RHCG: variants seen among roughly 807,000 people sequenced by gnomAD.
The protein encoded by RHCG is Rh family C glycoprotein, also known as ammonium transporter Rh type C.
In RHCG, 39 loss-of-function variants were observed where a neutral mutation model predicts 55.3. The ratio of observed to expected loss-of-function variants is 0.70; its 90% CI spans 0.55 to 0.92. RHCG has a LOEUF of 0.92. Among genes scored for constraint, RHCG ranks in the 40% least tolerant of loss-of-function variants. The pLI is 0.00. For missense variants in RHCG, 635 were observed against 627.9 expected (o/e 1.01, Z -0.12); for synonymous variants, 250 against 246.8 (o/e 1.01, Z -0.12).
chr15:89,494,180 C>T (rs940053924), intron 1 of RHCG, among the ~76,000 whole-genome samples: 15 of 152,156 alleles, frequency 9.9e-5, no homozygotes, highest in African/African-American at 3.4e-4. Context: ...CTTGGCTGCT[C>T]GGCTTCTCCC....
rs1410538188 is a variant in RHCG at position 89,496,516 on chromosome 15, C to T, written c.29G>A (p.Arg10Gln). 6.2e-7 allele frequency: 1 copy of T among 1,613,118 alleles called. No homozygotes were observed. MAWNTNLRW[R>Q]LPLTCLLLQV... ...CAGGAGCAGGCAGGTGAGCGGCAGC[C>T]GCCAGCGGAGGTTGGTGTTCCAGGC... is the stretch of plus-strand genomic sequence containing the variant. Residue 10 changes from arginine to glutamine, a missense_variant, in exon 1 of 11, where the codon CGG becomes CAG. Coordinates refer to ENST00000268122, the MANE Select transcript of RHCG (RefSeq NM_016321.3).
chr15:89,486,946 C>T lies in RHCG; in HGVS notation c.224G>A (p.Gly75Asp). ...GCGCTGCAGGAAAGTCATGAGGAAG[C>T]CGAAGCCCACGAAGACCATCACGTG... ...DVHVMVFVGFGFLMTFLQRYG... is the reference protein window; with the variant it reads ...DVHVMVFVGFDFLMTFLQRYG... The change falls in exon 2 of 11, where the codon GGC becomes GAC. Residue 75 changes from glycine (G) to aspartate (D), a missense_variant. Gly to Asp is a moderately conservative substitution (Grantham distance 94). Coordinates refer to ENST00000268122, the MANE Select transcript of RHCG (RefSeq NM_016321.3). The T allele has an allele frequency of 6.2e-7, 1 of 1,608,602 alleles. No homozygotes were observed. Among genetic ancestry groups the T allele is most frequent in the Non-Finnish European group, 8.5e-7 (1 of 1,175,934 alleles).
At chr15:89,487,332 G>C (rs1417132979) in intron 1 of RHCG, among the ~76,000 whole-genome samples, 1 of 152,202 alleles carries the variant, frequency 6.6e-6, no homozygotes, top group African/African-American at 2.4e-5. Context: ...GCAGCTCCTT[G>C]GTTCTACCCT....
chr15:89,473,721 T>A (rs1961082186), intron 9 of RHCG, among the ~76,000 whole-genome samples: 1 of 152,204 alleles, frequency 6.6e-6, no homozygotes, highest in Non-Finnish European at 1.5e-5. Flanking sequence ...GGAGGATACA[T>A]GTAGGCTTTT....
chr15:89,478,867 G>C (rs972731623), intron 5 of RHCG, among the ~76,000 whole-genome samples: 10 of 152,128 alleles, frequency 6.6e-5, no homozygotes, highest in Non-Finnish European at 1.5e-4. Flanking sequence ...GAGGTGGGTG[G>C]ATCACCTGAG....
Position 89,477,947 on chromosome 15 carries a change from C to A in RHCG, c.865G>T (p.Gly289Ter). The A allele has an allele frequency of 6.2e-7, 1 of 1,610,880 alleles. No homozygotes were observed. The highest frequency in any genetic ancestry group is 1.1e-5 in the South Asian group (1 of 90,792). Residue 289 changes from glycine (G) to a stop codon, truncating the protein, a stop_gained, in exon 6 of 11, where the codon GGA becomes TGA. Transcript: ENST00000268122. LOFTEE classifies it high-confidence loss of function. The surrounding 1 kb of genome is among the most constrained non-coding windows in gnomAD (Gnocchi z 4.5). ...GCAGCGGTACCCACGGCCACCCCTC[C>A]TGCGAGCGTGGCATTCTGGATGTGC... ...MVHIQNATLA[G>*]GVAVGTAAEM...
chr15:89,475,329 C>A (rs147665713), intron 9 of RHCG, among the ~76,000 whole-genome samples: 1 of 152,032 alleles, frequency 6.6e-6, no homozygotes, highest in Non-Finnish European at 1.5e-5. Context: ...TCTGCCCCCC[C>A]GCCCCAGGGT....
At chr15:89,471,971 C>T (rs1437892190) in intron 10 of RHCG, 116 bp from the exon 11 acceptor site, 1 of 152,256 alleles carries the variant, frequency 6.6e-6, no homozygotes, top group Non-Finnish European at 1.5e-5. Flanking sequence ...ATAGCCTCAC[C>T]TTCCTCTTTC....
intron 5 of RHCG, 132 bp from the exon 6 acceptor site, chr15:89,478,106 T>G: frequency 1.7e-6 from 2 of 1,206,524 alleles, no homozygotes; most frequent in Non-Finnish European, 2.3e-6. Context: ...GGAGTTCACC[T>G]CAGCAAGCCA....
At position 89,477,099 on chromosome 15, in the gene RHCG, A is replaced by G. The variant is rs770242215; in HGVS notation, c.1220T>C (p.Met407Thr). Residue 407 changes from methionine (M) to threonine (T), a missense_variant, in exon 8 of 11, where the codon ATG becomes ACG. Physicochemically the swap from Met to Thr is moderately conservative, Grantham distance 81 (BLOSUM62 -1). Transcript: ENST00000268122. The surrounding 1 kb of genome is among the most constrained non-coding windows in gnomAD (Gnocchi z 4.5). ...CTGCTCACCCACAATGATGCCACCC[A>G]TCAGGGCCATGGCCAGGGTCACCAA... is the stretch of plus-strand genomic sequence containing the variant. Reference protein sequence around the residue: ...GLLVTLAMALMGGIIVGLILR... With the variant: ...GLLVTLAMALTGGIIVGLILR... 4.3e-6 allele frequency: 7 copies of G among 1,613,840 alleles called. No homozygotes were observed. The African/African-American group carries it at 8.0e-5, about 18-fold the overall frequency.
rs773655832 is a variant in RHCG at position 89,479,308 on chromosome 15, G to A, written c.837+14C>T. ...AGGCAGTCAGAGCCACACCCCCAACGCCCTCATGCTCACCATGTCCAGCTT... is the reference window on the plus strand; with the variant it reads ...AGGCAGTCAGAGCCACACCCCCAACACCCTCATGCTCACCATGTCCAGCTT... On this transcript the variant is annotated intron_variant, in intron 5 of 10. Coordinates refer to ENST00000268122, the MANE Select transcript of RHCG (RefSeq NM_016321.3). The A allele has an allele frequency of 9.3e-6, 15 of 1,608,276 alleles. No homozygotes were observed. The highest frequency in any genetic ancestry group is 4.5e-5 in the East Asian group (2 of 44,800).
intron 2 of RHCG, among the ~76,000 whole-genome samples, chr15:89,484,826 C>T (rs923531726): frequency 1.3e-5 from 2 of 151,720 alleles, no homozygotes; most frequent in Non-Finnish European, 2.9e-5. Context: ...AAAGGCCCAT[C>T]CCTTGGGCTA....
intron 9 of RHCG, among the ~76,000 whole-genome samples, chr15:89,476,268 C>A (rs1039858117): frequency 6.6e-6 from 1 of 152,174 alleles, no homozygotes; most frequent in African/African-American, 2.4e-5. Flanking sequence ...CAGAGTCTCC[C>A]TATGTTGCCC....
intron 1 of RHCG, among the ~76,000 whole-genome samples, chr15:89,489,168 T>C (rs1961428715): frequency 6.6e-6 from 1 of 152,088 alleles, no homozygotes; most frequent in Non-Finnish European, 1.5e-5. Context: ...CTGGCTGGAG[T>C]GCAGTGGCAC....
At chr15:89,487,268 T>C (rs1272056803) in intron 1 of RHCG, among the ~76,000 whole-genome samples, 1 of 152,108 alleles carries the variant, frequency 6.6e-6, no homozygotes, top group Non-Finnish European at 1.5e-5. Flanking sequence ...TTAGCCTATT[T>C]AAACCACTGG....
chr15:89,477,173 G>T lies in RHCG; in HGVS notation c.1146C>A (p.Asn382Lys), dbSNP rs376624918. The stretch of plus-strand genomic sequence containing the variant: ...CCTGTGTTCTTGCGGTCCAGTCCCC[G>T]TTGAAACCTTGAAAGTCAAAGGAAT... ...LVHSFDFQGF[N>K]GDWTARTQGK... Residue 382 changes from asparagine to lysine, a missense_variant, in exon 8 of 11, where the codon AAC becomes AAA. Asn to Lys is a moderately conservative substitution (Grantham distance 94). Coordinates refer to ENST00000268122, the MANE Select transcript of RHCG (RefSeq NM_016321.3). The surrounding 1 kb of genome is among the most constrained non-coding windows in gnomAD (Gnocchi z 4.5). 1 of 1,614,010 alleles carries T rather than the reference G, an allele frequency of 6.2e-7. No individual in the cohort carries two copies. The highest frequency in any genetic ancestry group is 8.5e-7 in the Non-Finnish European group (1 of 1,180,000).
chr15:89,485,677 A>G (rs1000852293), intron 2 of RHCG, among the ~76,000 whole-genome samples: 3 of 152,132 alleles, frequency 2.0e-5, no homozygotes, highest in Non-Finnish European at 4.4e-5. Context: ...GAAGGATGGG[A>G]GAATGGAGGA....
Position 89,472,729 on chromosome 15 carries a change from G to A in RHCG, c.*6C>T, listed in dbSNP as rs1048968538. The A allele has an allele frequency of 6.2e-7, 1 of 1,608,790 alleles. No homozygotes were observed. ...TGCTCACCTGCTCCTCACCTGCCCTGGGAGCCTAGGGTACCAAGGGTACCG... is the reference window on the plus strand; with the variant it reads ...TGCTCACCTGCTCCTCACCTGCCCTAGGAGCCTAGGGTACCAAGGGTACCG... On this transcript the variant is annotated 3_prime_UTR_variant, in exon 10 of 11. Coordinates refer to ENST00000268122, the MANE Select transcript of RHCG (RefSeq NM_016321.3).
Position 89,490,808 on chromosome 15 carries a change from CG to C in RHCG, c.185-3824del, listed in dbSNP as rs1178904781. On this transcript the variant is annotated intron_variant, in intron 1 of 10. Transcript: ENST00000268122. ...GGGGGGTGAGGGCTGGGCTGGTGGGCGGGGGTTAGGGGGAGAAATGGAGCCT... is the reference window on the plus strand; with the variant it reads ...GGGGGGTGAGGGCTGGGCTGGTGGGCGGGGTTAGGGGGAGAAATGGAGCCT... Among the ~76,000 whole-genome samples the C allele has an allele frequency of 8.5e-5, 5 of 59,008 alleles. No individual in the cohort carries two copies. The East Asian group carries it at 1.7e-3, about 20-fold the overall frequency. The allele number at this position is 59,008 out of a possible 152,430, so 38.7% of individuals were successfully genotyped here.
Sources: gnomAD v4.1 joint callset for allele counts (sites outside exome capture counted in the v4.1 genomes callset) on GRCh38, gnomAD v4.1.1 for gene constraint, Gnocchi (gnomAD v3.1) non-coding constraint, MANE v1.5 for transcripts, NCBI Gene and HGNC (gene_info 2026-07-23, HGNC 2026-07-21) for gene names.